Variants in FBN3 observed in about 807,000 individuals in gnomAD.
FBN3 encodes the protein fibrillin-3.
Under a neutral mutation model 330.1 loss-of-function variants are expected in FBN3, and 234 were observed. The ratio of observed to expected loss-of-function variants is 0.71; its 90% CI spans 0.64 to 0.79. The LOEUF (loss-of-function observed/expected upper bound fraction) is 0.79. FBN3 is among the 30% of genes least tolerant of loss of function. The probability of loss-of-function intolerance (pLI) is 0.00; values close to 1 mark genes in which losing one functional copy is unlikely to be tolerated. For synonymous variants in FBN3, 1,458 were observed against 1,517.3 expected (o/e 0.96, Z 0.91); for missense variants, 3,606 against 3,886.9 (o/e 0.93, Z 1.92).
chr19:8,117,341 G>T (rs866083766), intron 27 of FBN3, 50 bp from the exon 28 acceptor site: 2 of 1,343,766 alleles, frequency 1.5e-6, no homozygotes, highest in Middle Eastern at 2.6e-4. Context: ...AGGGGTCCAG[G>T]ATGGGGAGGG....
rs1360774528 is a variant in FBN3, at chr19:8,096,071, T to C, written c.5549A>G (p.Glu1850Gly). The change falls in exon 45 of 64, where the codon GAG becomes GGG. Residue 1850 changes from glutamate to glycine, a missense_variant. Transcript: ENST00000600128. The surrounding 1 kb of genome is among the most constrained non-coding windows in gnomAD (Gnocchi z 4.6). The stretch of plus-strand genomic sequence containing the variant: ...ATTTCCACAAGGCTGCCGGTCACAC[T>C]CGTCAATGTCTGCAGAAGCAAAGCC... ...ADQTLCMDID[E>G]CDRQPCGNGT... The C allele has an allele frequency of 6.8e-6, 11 of 1,613,194 alleles. No homozygotes were observed. Among genetic ancestry groups the C allele is most frequent in the Non-Finnish European group, 9.3e-6 (11 of 1,179,364 alleles).
At chr19:8,122,556 G>A (rs905967018) in intron 24 of FBN3, among the ~76,000 whole-genome samples, 4 of 149,974 alleles carry the variant, frequency 2.7e-5, no homozygotes, top group African/African-American at 7.4e-5. Context: ...TAGTAGAGAC[G>A]GGGTATTGCC....
chr19:8,083,522 C>T (rs999646880), intron 56 of FBN3, 150 bp from the exon 57 acceptor site: 8 of 911,198 alleles, frequency 8.8e-6, no homozygotes, highest in Admixed American at 2.2e-5. Context: ...CCACGTGGAC[C>T]CCATCCTCAG....
intron 41 of FBN3, among the ~76,000 whole-genome samples, chr19:8,097,834 G>A (rs2144738417): frequency 6.6e-6 from 1 of 152,362 alleles, no homozygotes; most frequent in Non-Finnish European, 1.5e-5. Context: ...CCTGTAACAT[G>A]TGACAATGTG....
chr19:8,143,069 C>A (rs1384803229), intron 6 of FBN3, among the ~76,000 whole-genome samples: 1 of 152,146 alleles, frequency 6.6e-6, no homozygotes, highest in Non-Finnish European at 1.5e-5. Context: ...CTGAAAATCT[C>A]ACAAGCCTGG....
At chr19:8,111,887 ATCCCACCC>A in intron 31 of FBN3, 82 bp downstream of exon 31, 2 of 684,086 alleles carry the variant, frequency 2.9e-6, no homozygotes, top group Non-Finnish European at 4.4e-6. Context: ...ACACTCCCGG[ATCCCACCC>A]TCCCACTGCC....
intron 13 of FBN3, 25 bp downstream of exon 13, chr19:8,135,936 G>GGGGGGGGGGGGGCGCCCCCC: frequency 1.5e-6 from 1 of 668,768 alleles, no homozygotes; most frequent in African/African-American, 2.0e-5. Flanking sequence ...GGAAGCCCCT[G>GGGGGGGGGGGGGCGCCCCCC]CCCACCCGCC....
At chr19:8,123,046 C>A (rs1240898883) in intron 24 of FBN3, among the ~76,000 whole-genome samples, 3 of 151,862 alleles carry the variant, frequency 2.0e-5, no homozygotes, top group Non-Finnish European at 4.4e-5. Context: ...GAGGCAGACA[C>A]AAGAAGTGCC....
At chr19:8,112,264 G>A (rs937084971) in intron 30 of FBN3, among the ~76,000 whole-genome samples, 165 bp from the exon 31 acceptor site, 2 of 151,970 alleles carry the variant, frequency 1.3e-5, no homozygotes, top group South Asian at 4.2e-4. Context: ...AGCCCAAGAG[G>A]AAAACCCCGA....
Position 8,111,667 on chromosome 19 carries a change from C to A in FBN3, c.4065G>T (p.Gly1355=). The A allele has an allele frequency of 6.2e-7, 1 of 1,610,442 alleles. No homozygotes were observed. The highest frequency in any genetic ancestry group is 8.5e-7 in the Non-Finnish European group (1 of 1,177,778). ...TCTCACCTTCGCAGAAGAAGCCATC[C>A]CCGGCAAAGCCCTGGCGGCAGGTGC... is the stretch of plus-strand genomic sequence containing the variant. ...YRCTCRQGFA[G]DGFFCEDRDE... The change falls in exon 32 of 64, where the codon GGG becomes GGT. Residue 1355 remains glycine (G), a synonymous_variant. Transcript: ENST00000600128.
chr19:8,111,085 G>A lies in FBN3; in HGVS notation c.4183C>T (p.Pro1395Ser). The change falls in exon 33 of 64, where the codon CCC becomes TCC. Residue 1395 changes from proline (P) to serine (S), a missense_variant. Pro to Ser is a moderately conservative substitution (Grantham distance 74). Coordinates refer to ENST00000600128, the MANE Select transcript of FBN3 (RefSeq NM_032447.5). ...TGGCAGGCCCGGTGGTCCTCGGTGG[G>A]GTCAAAGCCCATCTCACATTCACAG... ...YRCECEMGFDPTEDHRACQDV... is the reference protein window; with the variant it reads ...YRCECEMGFDSTEDHRACQDV... The A allele has an allele frequency of 6.2e-7, 1 of 1,613,398 alleles. No individual in the cohort carries two copies.
At chr19:8,134,167 G>T (rs373125674) in intron 13 of FBN3, among the ~76,000 whole-genome samples, 10 of 151,940 alleles carry the variant, frequency 6.6e-5, no homozygotes, top group Admixed American at 1.3e-4. Context: ...ATGTGAACCC[G>T]GGAGGTGGAG....
intron 40 of FBN3, among the ~76,000 whole-genome samples, chr19:8,102,484 C>G (rs2082348371): frequency 6.6e-6 from 1 of 152,158 alleles, no homozygotes; most frequent in Non-Finnish European, 1.5e-5. Context: ...TCCCAAAATG[C>G]TGGGATTATA....
In FBN3 at chr19:8,083,209, G is replaced by T. The variant is rs765632342; in HGVS notation, c.7213+38C>A. On this transcript the variant is annotated intron_variant, in intron 57 of 63. Coordinates refer to ENST00000600128, the MANE Select transcript of FBN3 (RefSeq NM_032447.5). ...CAGGGGCTGCACAGAAGGTGGCCAG[G>T]CTGGGCCAAGGGTGCAGGTGCAGAG... The T allele has an allele frequency of 3.7e-6, 6 of 1,611,954 alleles. No individual in the cohort carries two copies. In the Admixed American group the frequency reaches 1.0e-4, roughly 27 times the overall value.
chr19:8,103,724 A>G (rs1481924598), intron 38 of FBN3, 37 bp from the exon 39 acceptor site: 2 of 1,602,466 alleles, frequency 1.2e-6, no homozygotes, highest in Admixed American at 1.7e-5. Flanking sequence ...AACAGTGGGC[A>G]GCGTCCAGGA....
Position 8,142,123 on chromosome 19 carries a change from G to C in FBN3, c.556C>G (p.Pro186Ala), listed in dbSNP as rs747593337. 13 of 1,609,782 alleles carry C rather than the reference G, an allele frequency of 8.1e-6. No individual in the cohort carries two copies. The Middle Eastern group carries it at 1.8e-3, about 225-fold the overall frequency. The change falls in exon 7 of 64, where the codon CCC (proline) becomes GCC (alanine). Residue 186 changes from proline to alanine, a missense_variant. Transcript: ENST00000600128. ...PQCERDYRTG[P>A]CFGQVGPEGC... Reference sequence around the variant, plus strand: ...TCGGGGCCTACTTGGCCAAAGCAGGGTCCCGTCCGGTAATCTGCAGGGCAG... The same window carrying C: ...TCGGGGCCTACTTGGCCAAAGCAGGCTCCCGTCCGGTAATCTGCAGGGCAG...
intron 6 of FBN3, among the ~76,000 whole-genome samples, chr19:8,143,090 C>T (rs910276174): frequency 5.3e-5 from 8 of 152,134 alleles, no homozygotes; most frequent in African/African-American, 9.7e-5. Flanking sequence ...ATGTCCCTGA[C>T]GCCACCCACT....
At chr19:8,126,896 C>G in intron 18 of FBN3, 64 bp from the exon 19 acceptor site, 1 of 1,498,782 alleles carries the variant, frequency 6.7e-7, no homozygotes, top group Non-Finnish European at 8.9e-7. Context: ...TGGCCAGGAC[C>G]CCTCCTCCCC....
chr19:8,082,795 G>GT (rs34853923), intron 57 of FBN3, among the ~76,000 whole-genome samples: 75 of 147,850 alleles, frequency 5.1e-4, no homozygotes, highest in Middle Eastern at 7.0e-3. Flanking sequence ...TGCCTGGCCT[G>GT]TTTTTTTTTT....
Sources: gnomAD v4.1 joint callset for allele counts (sites outside exome capture counted in the v4.1 genomes callset) on GRCh38, gnomAD v4.1.1 for gene constraint, Gnocchi (gnomAD v3.1) non-coding constraint, MANE v1.5 for transcripts, NCBI Gene and HGNC (gene_info 2026-07-23, HGNC 2026-07-21) for gene names.